Variants in TACC2 observed in about 807,000 individuals in gnomAD.
TACC2 encodes transforming acidic coiled-coil containing protein 2, also known as transforming acidic coiled-coil-containing protein 2.
In TACC2, 137 loss-of-function variants were observed where a neutral mutation model predicts 227.3. The ratio of observed to expected loss-of-function variants is 0.60; its 90% CI spans 0.52 to 0.69. The LOEUF is 0.69. TACC2 is among the 30% of genes least tolerant of loss of function. The probability of loss-of-function intolerance (pLI) is 0.00; values close to 1 mark genes in which losing one functional copy is unlikely to be tolerated. For missense variants in TACC2, 3,470 were observed against 3,694.4 expected (o/e 0.94, Z 1.57); for synonymous variants, 1,523 against 1,487.5 (o/e 1.02, Z -0.55).
intron 7 of TACC2, among the ~76,000 whole-genome samples, chr10:122,172,997 C>T (rs1381485636): frequency 6.6e-6 from 1 of 152,130 alleles, no homozygotes; most frequent in African/African-American, 2.4e-5. Flanking sequence ...CAGAGCTGTA[C>T]CCAGAACATC....
At chr10:122,090,955 A>G (rs957983696) in intron 5 of TACC2, among the ~76,000 whole-genome samples, 1 of 152,126 alleles carries the variant, frequency 6.6e-6, no homozygotes, top group Admixed American at 6.5e-5. Flanking sequence ...TGCTCAGCCT[A>G]GTCTTGAACT....
chr10:122,036,930 C>G (rs1409451320), intron 2 of TACC2, among the ~76,000 whole-genome samples: 1 of 152,170 alleles, frequency 6.6e-6, no homozygotes, highest in Non-Finnish European at 1.5e-5. Flanking sequence ...TCTCTACATC[C>G]TCACCAATAC....
In TACC2 at chr10:122,085,534, C is replaced by G. The variant is rs2080004807; in HGVS notation, c.3034C>G (p.Gln1012Glu). Residue 1012 changes from glutamine (Q) to glutamate (E), a missense_variant, in exon 4 of 23, where the codon CAA becomes GAA. Transcript: ENST00000369005. ...EEGSQHEEAC[Q>E]RHPGASEAAD... is the part of the protein sequence containing the mutation. ...AGGCAGCCAGCATGAAGAAGCATGT[C>G]AAAGGCATCCAGGAGCTTCTGAAGC... 6.2e-7 allele frequency: 1 copy of G among 1,613,308 alleles called. No homozygotes were observed. The highest frequency in any genetic ancestry group is 8.5e-7 in the Non-Finnish European group (1 of 1,180,058).
intron 7 of TACC2, among the ~76,000 whole-genome samples, chr10:122,148,197 G>A (rs1365813023): frequency 4.0e-5 from 6 of 150,690 alleles, no homozygotes; most frequent in Non-Finnish European, 5.9e-5. Flanking sequence ...TCCGCCTCCC[G>A]GGTTTAAGCA....
In TACC2 at chr10:122,085,329, A is replaced by G. The variant is rs1025016213; in HGVS notation, c.2829A>G (p.Ala943=). The part of the protein sequence containing the change: ...LSAPTRQKLP[A]LGEKRPEGAC... ...CACCAACGAGACAGAAGTTGCCTGC[A>G]CTAGGGGAGAAGCGGCCAGAGGGAG... Residue 943 remains alanine (A), a synonymous_variant, in exon 4 of 23, where the codon GCA becomes GCG. Coordinates refer to ENST00000369005, the MANE Select transcript of TACC2 (RefSeq NM_206862.4). The G allele has an allele frequency of 6.2e-7, 1 of 1,614,060 alleles. No individual in the cohort carries two copies. The highest frequency in any genetic ancestry group is 8.5e-7 in the Non-Finnish European group (1 of 1,180,034).
chr10:122,050,007 C>T lies in TACC2; in HGVS notation c.34-431C>T, dbSNP rs1033748959. 2.0e-5 allele frequency among the ~76,000 whole-genome samples: 3 copies of T among 152,068 alleles called. No homozygotes were observed. Among genetic ancestry groups the T allele is most frequent in the Admixed American group, 1.3e-4 (2 of 15,270 alleles). ...CGGTTAGTTTTTTTCCCTAGGTTTC[C>T]AGCTGAATTCTGGTATGTGAAGCCA... On this transcript the variant is annotated intron_variant, in intron 2 of 22. Transcript: ENST00000369005. The surrounding 1 kb of genome is among the most constrained non-coding windows in gnomAD (Gnocchi z 4.6).
intron 3 of TACC2, among the ~76,000 whole-genome samples, chr10:122,053,695 C>T (rs975830079): frequency 2.0e-5 from 3 of 152,180 alleles, no homozygotes; most frequent in African/African-American, 7.2e-5. Context: ...CCAGAGGACA[C>T]GGTCTGGAAG....
chr10:122,242,590 C>T (rs1365332095), intron 19 of TACC2, among the ~76,000 whole-genome samples: 1 of 152,118 alleles, frequency 6.6e-6, no homozygotes, highest in Non-Finnish European at 1.5e-5. Flanking sequence ...TGCTTTGGCT[C>T]ACAATAAAAG....
chr10:122,015,103 C>T (rs1296560488), intron 1 of TACC2, among the ~76,000 whole-genome samples: 1 of 33,002 alleles, frequency 3.0e-5, no homozygotes, highest in Admixed American at 3.9e-4. Context: ...AGTTCATCTG[C>T]TATAAAAAAA....
In TACC2 at chr10:122,083,641, C is replaced by T. The variant is rs144408700; in HGVS notation, c.1141C>T (p.Arg381Ter). 133 of 1,610,882 alleles carry T rather than the reference C, an allele frequency of 8.3e-5. No individual in the cohort carries two copies. Among genetic ancestry groups the T allele is most frequent in the Non-Finnish European group, 1.1e-4 (129 of 1,180,032 alleles). The change falls in exon 4 of 23, where the codon CGA becomes TGA. Residue 381 changes from arginine to a stop codon, truncating the protein, a stop_gained. Coordinates refer to ENST00000369005, the MANE Select transcript of TACC2 (RefSeq NM_206862.4). LOFTEE classifies it high-confidence loss of function. ...TCAGGGTCACCCACAGACAGGGATG[C>T]GAGGAACCAAGCCCAATCAAGTTGT... ...DVQGHPQTGM[R>*]GTKPNQVVCV...
At chr10:122,238,109 G>A in intron 18 of TACC2, 72 bp downstream of exon 18, 1 of 1,241,084 alleles carries the variant, frequency 8.1e-7, no homozygotes, top group South Asian at 1.2e-5. Context: ...ACCGGAGCTG[G>A]TGTGGTCCAC....
At chr10:122,131,910 C>A (rs1207628477) in intron 5 of TACC2, among the ~76,000 whole-genome samples, 1 of 151,950 alleles carries the variant, frequency 6.6e-6, no homozygotes, top group Non-Finnish European at 1.5e-5. Context: ...TAATTCCAGC[C>A]ACTCGGGTGG....
At chr10:122,225,823 T>C (rs778978391) in intron 12 of TACC2, among the ~76,000 whole-genome samples, 4 of 152,148 alleles carry the variant, frequency 2.6e-5, no homozygotes, top group Admixed American at 1.3e-4. Context: ...GCAGCATACC[T>C]GCCGGCCGTT....
chr10:122,019,982 C>G (rs1292931721), intron 1 of TACC2: 3 of 152,180 alleles, frequency 2.0e-5, no homozygotes, highest in Non-Finnish European at 4.4e-5. Flanking sequence ...CCAGACGCAG[C>G]CAGGCTTCCC....
intron 8 of TACC2, among the ~76,000 whole-genome samples, chr10:122,198,935 G>A (rs549527436): frequency 1.3e-5 from 2 of 152,384 alleles, no homozygotes; most frequent in South Asian, 2.1e-4. Flanking sequence ...AAAGGATTGC[G>A]AGTCAGTGGG....
chr10:122,137,021 G>C (rs938863817), intron 6 of TACC2, among the ~76,000 whole-genome samples: 23 of 151,718 alleles, frequency 1.5e-4, no homozygotes, highest in Non-Finnish European at 3.2e-4. Flanking sequence ...TTTTTTCTGA[G>C]TAGCGGAAAA....
intron 5 of TACC2, among the ~76,000 whole-genome samples, chr10:122,101,068 G>A (rs1246103541): frequency 6.6e-6 from 1 of 152,106 alleles, no homozygotes. Flanking sequence ...TTAAGACAGG[G>A]GCAAGTGTAT....
rs1486645612 is a variant in TACC2 at position 122,163,645 on chromosome 10, C to T, written c.5834+19939C>T. On this transcript the variant is annotated intron_variant, in intron 7 of 22. Coordinates refer to ENST00000369005, the MANE Select transcript of TACC2 (RefSeq NM_206862.4). ...CCACACCGGCGCTCACGCTCATACC[C>T]GCACGCCCCGGGCAGAGCCGCGCAC... is the stretch of plus-strand genomic sequence containing the variant. 8 of 1,039,568 alleles carry T rather than the reference C, an allele frequency of 7.7e-6. No homozygotes were observed. In the African/African-American group the frequency reaches 1.2e-4, roughly 15 times the overall value. 64.4% of individuals were successfully genotyped at this position (1,039,568 alleles called of 1,614,324 possible).
rs73370132 is a variant in TACC2 at position 122,086,677 on chromosome 10, G to A, written c.4177G>A (p.Asp1393Asn). The A allele has an allele frequency of 2.0e-3, 3,215 of 1,613,018 alleles. 55 individuals are homozygous for A. In the African/African-American group the frequency reaches 0.038, roughly 19 times the overall value. Residue 1393 changes from aspartate (D) to asparagine (N), a missense_variant, in exon 4 of 23, where the codon GAC (aspartate) becomes AAC (asparagine). Asp to Asn is a conservative substitution (Grantham distance 23). Coordinates refer to ENST00000369005, the MANE Select transcript of TACC2 (RefSeq NM_206862.4). ...DPKQGTSGGV[D>N]TSSEQIATLT... ...AAAGCAGGGCACATCAGGTGGTGTG[G>A]ACACAAGCTCTGAGCAAATCGCCAC...
Sources: allele counts gnomAD v4.1 joint callset (sites outside exome capture counted in the v4.1 genomes callset), GRCh38; gene constraint gnomAD v4.1.1; non-coding constraint Gnocchi (gnomAD v3.1); transcripts MANE v1.5; gene names NCBI Gene and HGNC (gene_info 2026-07-23, HGNC 2026-07-21).